VTCN1: variants seen among roughly 807,000 people sequenced by gnomAD.
VTCN1 encodes the protein V-set domain-containing T-cell activation inhibitor 1.
VTCN1 carries 26 observed loss-of-function variants against 26.5 expected under a neutral mutation model. The observed-to-expected ratio is 0.98, with a 90% CI of 0.72 to 1.36. The LOEUF (loss-of-function observed/expected upper bound fraction) is 1.36. Ranked by LOEUF, VTCN1 falls within the 40% of genes most tolerant of loss-of-function variation. The probability of loss-of-function intolerance (pLI) is 0.00; values close to 1 mark genes in which losing one functional copy is unlikely to be tolerated. For missense variants in VTCN1, 298 were observed against 337.7 expected (o/e 0.88, Z 0.92); for synonymous variants, 116 against 130.7 (o/e 0.89, Z 0.77).
At chr1:117,186,903 T>G (rs1413753623) in intron 1 of VTCN1, among the ~76,000 whole-genome samples, 3 of 152,032 alleles carry the variant, frequency 2.0e-5, no homozygotes, top group Non-Finnish European at 2.9e-5. Flanking sequence ...ATTGACCCTG[T>G]TCTTGAATTC....
chr1:117,208,691 G>A (rs1245563937), intron 1 of VTCN1, among the ~76,000 whole-genome samples: 1 of 152,182 alleles, frequency 6.6e-6, no homozygotes, highest in Admixed American at 6.5e-5. Flanking sequence ...GATGGGGAGA[G>A]GGGAGGAGGG....
chr1:117,200,914 G>A (rs1022248737), intron 1 of VTCN1, among the ~76,000 whole-genome samples: 1 of 152,070 alleles, frequency 6.6e-6, no homozygotes, highest in Non-Finnish European at 1.5e-5. Context: ...CAGCTACTAC[G>A]CCAGGCTAAT....
At chr1:117,210,290 T>G (rs1405831561) in intron 1 of VTCN1, among the ~76,000 whole-genome samples, 1 of 152,076 alleles carries the variant, frequency 6.6e-6, no homozygotes, top group Non-Finnish European at 1.5e-5. Flanking sequence ...GGACCCAACC[T>G]TTGAGCTGGG....
chr1:117,177,545 A>G (rs1442795367), intron 1 of VTCN1, among the ~76,000 whole-genome samples: 1 of 152,202 alleles, frequency 6.6e-6, no homozygotes, highest in African/African-American at 2.4e-5. Flanking sequence ...CTTTCTGGGC[A>G]GCCCCTGCTC....
intron 1 of VTCN1, chr1:117,203,563 T>C (rs1269329612): frequency 1.0e-6 from 1 of 964,326 alleles, no homozygotes; most frequent in African/African-American, 1.8e-5. Context: ...TGCAGGCAGA[T>C]GGTTTGGGAT....
chr1:117,207,006 G>GC, intron 1 of VTCN1, among the ~76,000 whole-genome samples: 1 of 152,140 alleles, frequency 6.6e-6, no homozygotes, highest in Admixed American at 6.5e-5. Flanking sequence ...TACGGCCTGT[G>GC]CTGAGATCTC....
At chr1:117,178,588 G>T (rs1400270214) in intron 1 of VTCN1, among the ~76,000 whole-genome samples, 94 of 88,226 alleles carry the variant, frequency 1.1e-3, no homozygotes, top group Admixed American at 2.0e-3. Flanking sequence ...TCTTTCTTTC[G>T]TTTTTTTTTT....
At chr1:117,203,971 C>T (rs769125789) in intron 1 of VTCN1, 16 of 172,636 alleles carry the variant, frequency 9.3e-5, no homozygotes, top group Non-Finnish European at 1.8e-4. Context: ...TGGGGAAGGC[C>T]TTAGGGTTCA....
In VTCN1 at chr1:117,156,686, G is replaced by A. The variant is rs1435467709; in HGVS notation, c.333C>T (p.Gly111=). ...TAVFADQVIV[G]NASLRLKNVQ... ...CGTTTTTCAGCCGCAAAGAGGCATT[G>A]CCAACTATCACTTGATCAGCAAACA... Residue 111 remains glycine, a synonymous_variant, in exon 3 of 6, where the codon GGC becomes GGT. Coordinates refer to ENST00000369458, the MANE Select transcript of VTCN1 (RefSeq NM_024626.4). 2 of 1,614,152 alleles carry A rather than the reference G, an allele frequency of 1.2e-6. No individual in the cohort carries two copies. Among genetic ancestry groups the A allele is most frequent in the African/African-American group, 1.3e-5 (1 of 75,050 alleles).
At position 117,169,776 on chromosome 1, in the gene VTCN1, T is replaced by C. The variant is rs1429198947; in HGVS notation, c.97+331A>G. On this transcript the variant is annotated intron_variant, in intron 2 of 5. Transcript: ENST00000369458. The surrounding 1 kb of genome is among the most constrained non-coding windows in gnomAD (Gnocchi z 4.0). ...GGCATGGTGGTGCACATGCCTGTAG[T>C]CCTAGCTACTTGGGAGGCTGAGGTG... Among the ~76,000 whole-genome samples, 1 of 152,066 alleles carries C rather than the reference T, an allele frequency of 6.6e-6. No homozygotes were observed. Among genetic ancestry groups the C allele is most frequent in the African/African-American group, 2.4e-5 (1 of 41,412 alleles).
chr1:117,203,498 G>T (rs1228271341), intron 1 of VTCN1: 10 of 607,182 alleles, frequency 1.6e-5, no homozygotes, highest in Non-Finnish European at 2.1e-5. Flanking sequence ...CATGACCGCT[G>T]TGCTGGCAGC....
chr1:117,204,840 TGGGCAACAGAGC>T (rs56102536), intron 1 of VTCN1, among the ~76,000 whole-genome samples: 131,152 of 151,510 alleles, frequency 0.87, 58,529 homozygotes, highest in Non-Finnish European at 0.97. Flanking sequence ...TACTCCAGCC[TGGGCAACAGAGC>T]GAGACTCTGT....
intron 1 of VTCN1, chr1:117,203,604 C>G: frequency 4.1e-6 from 4 of 985,278 alleles, no homozygotes; most frequent in Non-Finnish European, 4.8e-6. Context: ...AGAAATGTAG[C>G]CTGGGTTTCT....
At chr1:117,163,159 A>C (rs1469495025) in intron 2 of VTCN1, among the ~76,000 whole-genome samples, 1 of 152,196 alleles carries the variant, frequency 6.6e-6, no homozygotes, top group Non-Finnish European at 1.5e-5. Context: ...GTGAGAAGAA[A>C]TTTAAAAGGA....
At chr1:117,205,467 T>G (rs142249437) in intron 1 of VTCN1, among the ~76,000 whole-genome samples, 7 of 152,070 alleles carry the variant, frequency 4.6e-5, no homozygotes, top group African/African-American at 1.7e-4. Flanking sequence ...CTGGCCAGCA[T>G]ATAATTCTTA....
Position 117,143,617 on chromosome 1 carries a change from C to G in VTCN1, c.*1654G>C, listed in dbSNP as rs1346763063. On this transcript the variant is annotated 3_prime_UTR_variant, in exon 6 of 6. Coordinates refer to ENST00000369458, the MANE Select transcript of VTCN1 (RefSeq NM_024626.4). The stretch of plus-strand genomic sequence containing the variant: ...TAGGAAATGTATATTTAATCATTCT[C>G]TTGAACGATCAGAACTCTAAAATCA... 2 of 152,174 alleles carry G rather than the reference C, an allele frequency of 1.3e-5. No individual in the cohort carries two copies. The highest frequency in any genetic ancestry group is 2.9e-5 in the Non-Finnish European group (2 of 68,036). 9.4% of individuals were successfully genotyped at this position (152,174 alleles called of 1,614,324 possible).
In VTCN1 at chr1:117,210,861, G is replaced by A; in HGVS notation, c.-6C>T. On this transcript the variant is annotated 5_prime_UTR_variant, in exon 1 of 6. Transcript: ENST00000369458. ...ATCTGCCCCAGGGAAGCCATGGCTG[G>A]GGAAGGTTCCCAGCGTATCTGGGTA... 1 of 1,614,146 alleles carries A rather than the reference G, an allele frequency of 6.2e-7. No individual in the cohort carries two copies. The highest frequency in any genetic ancestry group is 8.5e-7 in the Non-Finnish European group (1 of 1,179,986).
chr1:117,150,898 CATAG>C (rs1166985799), intron 4 of VTCN1, among the ~76,000 whole-genome samples: 1 of 152,194 alleles, frequency 6.6e-6, no homozygotes, highest in African/African-American at 2.4e-5. Context: ...GCTTATTTCA[CATAG>C]ATAATGTCCT....
In VTCN1 at chr1:117,159,221, A is replaced by C. The variant is rs573751902; in HGVS notation, c.98-2300T>G. 3.3e-5 allele frequency among the ~76,000 whole-genome samples: 5 copies of C among 152,320 alleles called. No homozygotes were observed. Among genetic ancestry groups the C allele is most frequent in the Non-Finnish European group, 7.3e-5 (5 of 68,036 alleles). ...CAATTTACTGTATTAGTCCATTTTCACAGTGCTGATAAAGAAATACCCGAG... is the reference window on the plus strand; with the variant it reads ...CAATTTACTGTATTAGTCCATTTTCCCAGTGCTGATAAAGAAATACCCGAG... On this transcript the variant is annotated intron_variant, in intron 2 of 5. Transcript: ENST00000369458. This position sits in a 1 kb window ranked among gnomAD's most constrained non-coding sequence, Gnocchi z 4.7.
Sources: gnomAD v4.1 joint callset for allele counts (sites outside exome capture counted in the v4.1 genomes callset) on GRCh38, gnomAD v4.1.1 for gene constraint, Gnocchi (gnomAD v3.1) non-coding constraint, MANE v1.5 for transcripts, NCBI Gene and HGNC (gene_info 2026-07-23, HGNC 2026-07-21) for gene names.